The following STX7 variants were observed in gnomAD, a reference collection of about 807,000 sequenced individuals.
STX7 encodes syntaxin 7, also known as syntaxin-7.
Under a neutral mutation model 39.6 loss-of-function variants are expected in STX7, and 34 were observed. That is an observed-to-expected ratio of 0.86 (90% CI 0.65 to 1.14). STX7 has a LOEUF of 1.14. Among genes scored for constraint, STX7 ranks in the 50% most tolerant of loss-of-function variants. The probability of loss-of-function intolerance (pLI) is 0.00; values close to 1 mark genes in which losing one functional copy is unlikely to be tolerated. For synonymous variants in STX7, 119 were observed against 99.1 expected (o/e 1.20, Z -1.19); for missense variants, 284 against 310.4 (o/e 0.92, Z 0.64).
At chr6:132,460,892 A>G in intron 9 of STX7, 42 bp from the exon 10 acceptor site, 1 of 1,568,544 alleles carries the variant, frequency 6.4e-7, no homozygotes, top group Non-Finnish European at 8.7e-7. Context: ...AAACATGTTT[A>G]CAGATTTAGT....
At chr6:132,489,868 G>A (rs1334378307) in intron 2 of STX7, among the ~76,000 whole-genome samples, 1 of 152,124 alleles carries the variant, frequency 6.6e-6, no homozygotes, top group African/African-American at 2.4e-5. Context: ...GAAATTTGGG[G>A]GCATTTTAAA....
intron 2 of STX7, among the ~76,000 whole-genome samples, chr6:132,489,335 C>T (rs79793316): frequency 0.029 from 4,444 of 151,436 alleles, 202 homozygotes; most frequent in African/African-American, 0.1. Context: ...GATCCAGGTT[C>T]GTTATAGGGT....
intron 8 of STX7, among the ~76,000 whole-genome samples, chr6:132,468,044 C>T (rs1368279281): frequency 6.6e-6 from 1 of 152,158 alleles, no homozygotes; most frequent in Non-Finnish European, 1.5e-5. Flanking sequence ...CCACAAGTTT[C>T]CCCAAAAGTG....
In STX7 at chr6:132,456,404, C is replaced by T. The variant is rs1774244821; in HGVS notation, c.*4354G>A. On this transcript the variant is annotated 3_prime_UTR_variant, in exon 10 of 10. Coordinates refer to ENST00000367941, the MANE Select transcript of STX7 (RefSeq NM_003569.3). ...TCTTTTTATATGCCAAATAACAAAA[C>T]ATAAACTCCCTGAGGGCAGGAAGCT... 1 of 152,156 alleles carries T rather than the reference C, an allele frequency of 6.6e-6. No individual in the cohort carries two copies. Among genetic ancestry groups the T allele is most frequent in the Non-Finnish European group, 1.5e-5 (1 of 68,040 alleles). The allele number at this position is 152,156 out of a possible 1,614,324, so 9.4% of individuals were successfully genotyped here. A position where few individuals can be genotyped will look rare whatever the true frequency, so the allele number is the denominator to read the frequency against.
intron 9 of STX7, among the ~76,000 whole-genome samples, chr6:132,462,111 C>A (rs1383178519): frequency 1.3e-5 from 2 of 152,188 alleles, no homozygotes. Flanking sequence ...ATGTAATGTA[C>A]CTGTGAGTCA....
At chr6:132,461,631 C>T in intron 9 of STX7, 1 of 555,842 alleles carries the variant, frequency 1.8e-6, no homozygotes, top group Non-Finnish European at 3.1e-6. Flanking sequence ...TTTCTTGTTT[C>T]CAAAATACAA....
intron 2 of STX7, among the ~76,000 whole-genome samples, chr6:132,496,252 C>A (rs2114455001): frequency 6.6e-6 from 1 of 152,146 alleles, no homozygotes; most frequent in Non-Finnish European, 1.5e-5. Flanking sequence ...CTTCCTCTTT[C>A]AGGTTATTAT....
At chr6:132,466,030 T>C (rs1260970747) in intron 8 of STX7, among the ~76,000 whole-genome samples, 1 of 152,226 alleles carries the variant, frequency 6.6e-6, no homozygotes, top group Non-Finnish European at 1.5e-5. Context: ...GACTGCATTC[T>C]CTGTTTCACT....
chr6:132,505,739 T>A (rs1242315321), intron 1 of STX7, among the ~76,000 whole-genome samples: 4 of 60,424 alleles, frequency 6.6e-5, no homozygotes, highest in Admixed American at 2.1e-4. Flanking sequence ...CCAAGTCACT[T>A]AAAAAAAAAA....
chr6:132,462,281 T>C (rs753411922), intron 9 of STX7, among the ~76,000 whole-genome samples: 25 of 152,324 alleles, frequency 1.6e-4, no homozygotes, highest in Non-Finnish European at 3.2e-4. Context: ...AACAGAACTA[T>C]TGGAAAGCTG....
chr6:132,501,274 G>A (rs955508809), intron 2 of STX7, among the ~76,000 whole-genome samples: 3 of 151,934 alleles, frequency 2.0e-5, no homozygotes, highest in Admixed American at 1.3e-4. Flanking sequence ...GGCTGGTCTC[G>A]AACTCCTGAC....
At chr6:132,476,890 G>T (rs966389002) in intron 2 of STX7, among the ~76,000 whole-genome samples, 1 of 152,042 alleles carries the variant, frequency 6.6e-6, no homozygotes, top group African/African-American at 2.4e-5. Context: ...ACGTCAAGTA[G>T]AAATAAGCTG....
chr6:132,512,088 C>T (rs1471695500), intron 1 of STX7, among the ~76,000 whole-genome samples: 1 of 152,178 alleles, frequency 6.6e-6, no homozygotes, highest in East Asian at 1.9e-4. Context: ...CGTTATCAGC[C>T]TCTGCCCAGG....
chr6:132,505,656 AG>A (rs761694931), intron 1 of STX7, among the ~76,000 whole-genome samples: 7 of 149,684 alleles, frequency 4.7e-5, no homozygotes, highest in Non-Finnish European at 8.9e-5. Context: ...ACAGAACAAG[AG>A]TAGACATGGG....
rs577847288 is a variant in STX7, at chr6:132,455,256, T to G, written c.*5502A>C. 1.1e-4 allele frequency: 16 copies of G among 152,280 alleles called. No homozygotes were observed. Among genetic ancestry groups the G allele is most frequent in the African/African-American group, 3.6e-4 (15 of 41,570 alleles). 9.4% of individuals were successfully genotyped at this position (152,280 alleles called of 1,614,324 possible). The stretch of plus-strand genomic sequence containing the variant: ...TGAGTTTAACATTTCAGATCTCCCA[T>G]TAAACAACTGATCAAAAAACTTTCA... On this transcript the variant is annotated 3_prime_UTR_variant, in exon 10 of 10. Coordinates refer to ENST00000367941, the MANE Select transcript of STX7 (RefSeq NM_003569.3).
intron 9 of STX7, among the ~76,000 whole-genome samples, chr6:132,462,030 C>T (rs1422928952): frequency 6.6e-6 from 1 of 152,198 alleles, no homozygotes; most frequent in Non-Finnish European, 1.5e-5. Context: ...GTATCAAACA[C>T]AATTTCTCTA....
At chr6:132,502,929 G>C (rs1775613017) in intron 2 of STX7, among the ~76,000 whole-genome samples, 1 of 151,880 alleles carries the variant, frequency 6.6e-6, no homozygotes, top group Non-Finnish European at 1.5e-5. Flanking sequence ...GGGAATGCAG[G>C]TCTGATTTTC....
chr6:132,461,590 G>GT, intron 9 of STX7: 1 of 418,988 alleles, frequency 2.4e-6, no homozygotes, highest in Non-Finnish European at 4.3e-6. Context: ...GATTACAGGC[G>GT]TGAGCCACCA....
chr6:132,502,858 C>T (rs1775609194), intron 2 of STX7, among the ~76,000 whole-genome samples: 1 of 151,972 alleles, frequency 6.6e-6, no homozygotes, highest in African/African-American at 2.4e-5. Flanking sequence ...AAGATCGTAC[C>T]ACTGCACTCC....
Sources: gnomAD v4.1 joint callset for allele counts (sites outside exome capture counted in the v4.1 genomes callset) on GRCh38, gnomAD v4.1.1 for gene constraint, MANE v1.5 for transcripts, NCBI Gene and HGNC (gene_info 2026-07-23, HGNC 2026-07-21) for gene names.